KCNJ3: variants seen among roughly 807,000 people sequenced by gnomAD.
KCNJ3 encodes potassium inwardly rectifying channel subfamily J member 3.
Under a neutral mutation model 39.2 loss-of-function variants are expected in KCNJ3, and 4 were observed. That is an observed-to-expected ratio of 0.10 (90% CI 0.05 to 0.23). The LOEUF is 0.23. KCNJ3 is among the 10% of genes least tolerant of loss of function. The pLI, the probability that KCNJ3 is intolerant of heterozygous loss-of-function variation, is 1.00. For missense variants in KCNJ3, 276 were observed against 634.9 expected (o/e 0.43, Z 6.08); for synonymous variants, 230 against 237.4 (o/e 0.97, Z 0.29).
chr2:154,739,940 G>A (rs115173843), intron 2 of KCNJ3, among the ~76,000 whole-genome samples: 1,844 of 152,116 alleles, frequency 0.012, 38 homozygotes, highest in African/African-American at 0.041. Context: ...ACATATATGA[G>A]TTTTCCTCTC....
chr2:154,698,747 C>T lies in KCNJ3; in HGVS notation c.-29C>T. The T allele has an allele frequency of 1.4e-6, 2 of 1,466,658 alleles. No homozygotes were observed. The highest frequency in any genetic ancestry group is 1.1e-5 in the South Asian group (1 of 87,550). 90.9% of individuals were successfully genotyped at this position (1,466,658 alleles called of 1,614,324 possible). On this transcript the variant is annotated 5_prime_UTR_variant, in exon 1 of 3. Transcript: ENST00000295101. ...GCCCAGCTCCTGCGCCTTCGCTTCG[C>T]GTTTGAATCTGGCTCGCCCCTTCGT...
intron 2 of KCNJ3, among the ~76,000 whole-genome samples, chr2:154,848,855 G>A (rs1327627263): frequency 6.6e-6 from 1 of 152,126 alleles, no homozygotes; most frequent in Non-Finnish European, 1.5e-5. Context: ...GTTCATCCCT[G>A]AAGAAAGGTT....
At chr2:154,779,381 G>T (rs1686394339) in intron 2 of KCNJ3, among the ~76,000 whole-genome samples, 1 of 149,498 alleles carries the variant, frequency 6.7e-6, no homozygotes, top group Non-Finnish European at 1.5e-5. Flanking sequence ...GCATCCTAAA[G>T]GACTCAAATC....
chr2:154,808,571 C>T (rs1686956406), intron 2 of KCNJ3, among the ~76,000 whole-genome samples: 2 of 152,092 alleles, frequency 1.3e-5, no homozygotes, highest in African/African-American at 4.8e-5. Flanking sequence ...GTTCCTTAGA[C>T]CACCTTTGGT....
chr2:154,788,893 AG>A (rs1337060077), intron 2 of KCNJ3, among the ~76,000 whole-genome samples: 1 of 152,038 alleles, frequency 6.6e-6, no homozygotes, highest in Non-Finnish European at 1.5e-5. Flanking sequence ...CTGGAGAAAA[AG>A]GTTACTCAAA....
intron 2 of KCNJ3, among the ~76,000 whole-genome samples, chr2:154,838,155 A>C (rs1291706406): frequency 6.6e-6 from 1 of 152,214 alleles, no homozygotes; most frequent in Non-Finnish European, 1.5e-5. Flanking sequence ...GAAATCAGGA[A>C]TGACTTCATA....
intron 2 of KCNJ3, among the ~76,000 whole-genome samples, chr2:154,776,427 T>C (rs1339020322): frequency 2.0e-5 from 3 of 152,164 alleles, no homozygotes; most frequent in East Asian, 3.9e-4. Context: ...TTGTTCATTA[T>C]TGGCCATCAC....
chr2:154,731,045 A>G (rs549774338), intron 2 of KCNJ3, among the ~76,000 whole-genome samples: 1 of 152,290 alleles, frequency 6.6e-6, no homozygotes, highest in East Asian at 1.9e-4. Context: ...GATCATTTAG[A>G]GAAGAATATG....
intron 2 of KCNJ3, among the ~76,000 whole-genome samples, chr2:154,736,850 C>A (rs1388606132): frequency 7.3e-6 from 1 of 137,768 alleles, no homozygotes; most frequent in East Asian, 2.1e-4. Context: ...CCTAAAACTG[C>A]CCCGGCTTAC....
Position 154,716,970 on chromosome 2 carries a change from G to A in KCNJ3, c.919+7151G>A, listed in dbSNP as rs914239786. On this transcript the variant is annotated intron_variant, in intron 2 of 2. Coordinates refer to ENST00000295101, the MANE Select transcript of KCNJ3 (RefSeq NM_002239.4). The stretch of plus-strand genomic sequence containing the variant: ...AAGTCCATAGTCCAGAGGGAAAAAC[G>A]AACTGAACTAAATCAAGTATTAGCA... Among the ~76,000 whole-genome samples, 24 of 152,148 alleles carry A rather than the reference G, an allele frequency of 1.6e-4. 1 individual carries two copies.
At chr2:154,744,197 G>T (rs1296874737) in intron 2 of KCNJ3, among the ~76,000 whole-genome samples, 3 of 151,372 alleles carry the variant, frequency 2.0e-5, no homozygotes, top group Non-Finnish European at 4.4e-5. Flanking sequence ...AACCCTACTT[G>T]GTTATGATGT....
intron 2 of KCNJ3, among the ~76,000 whole-genome samples, chr2:154,801,540 T>C (rs562085122): frequency 6.6e-6 from 1 of 151,756 alleles, no homozygotes; most frequent in African/African-American, 2.4e-5. Flanking sequence ...TTTCCTTCTT[T>C]CTTTCTTTCT....
chr2:154,842,147 T>C (rs1687587600), intron 2 of KCNJ3, among the ~76,000 whole-genome samples: 1 of 152,228 alleles, frequency 6.6e-6, no homozygotes, highest in East Asian at 1.9e-4. Context: ...TGTGTCTTTG[T>C]TCTCATTGGT....
At chr2:154,773,628 C>T (rs1686281564) in intron 2 of KCNJ3, among the ~76,000 whole-genome samples, 1 of 152,060 alleles carries the variant, frequency 6.6e-6, no homozygotes, top group African/African-American at 2.4e-5. Context: ...TCTTTTTATT[C>T]TGACTTTGAT....
intron 2 of KCNJ3, among the ~76,000 whole-genome samples, chr2:154,751,708 A>G (rs1685848069): frequency 1.3e-5 from 2 of 152,080 alleles, no homozygotes; most frequent in Admixed American, 6.6e-5. Context: ...AGGTGGCTTA[A>G]GAAATAGAAA....
intron 2 of KCNJ3, among the ~76,000 whole-genome samples, chr2:154,841,564 G>T (rs1267529305): frequency 1.3e-5 from 2 of 152,098 alleles, no homozygotes; most frequent in Non-Finnish European, 2.9e-5. Flanking sequence ...TCTGGTCCTG[G>T]ACTTTTTTTG....
chr2:154,818,325 A>G (rs1293528014), intron 2 of KCNJ3, among the ~76,000 whole-genome samples: 2 of 152,076 alleles, frequency 1.3e-5, no homozygotes, highest in African/African-American at 4.8e-5. Flanking sequence ...TGAAATGGCT[A>G]GGGAGGGAAA....
chr2:154,742,042 T>G (rs1169471646), intron 2 of KCNJ3, among the ~76,000 whole-genome samples: 1 of 151,840 alleles, frequency 6.6e-6, no homozygotes, highest in Non-Finnish European at 1.5e-5. Context: ...CCTCATTCTC[T>G]CAGACATGCT....
intron 2 of KCNJ3, among the ~76,000 whole-genome samples, chr2:154,778,066 T>C (rs11899272): frequency 0.1 from 15,307 of 152,126 alleles, 838 homozygotes; most frequent in East Asian, 0.19. Context: ...TTAGAAATCA[T>C]AAAGAAAAGA....
Sources: gnomAD v4.1 joint callset for allele counts (sites outside exome capture counted in the v4.1 genomes callset) on GRCh38, gnomAD v4.1.1 for gene constraint, MANE v1.5 for transcripts, NCBI Gene and HGNC (gene_info 2026-07-23, HGNC 2026-07-21) for gene names.